Variants in NBEAL2 observed in about 807,000 individuals in gnomAD.
NBEAL2 encodes the protein neurobeachin like 2, also known as neurobeachin-like protein 2.
Under a neutral mutation model 299.8 loss-of-function variants are expected in NBEAL2, and 160 were observed. That is an observed-to-expected ratio of 0.53 (90% CI 0.47 to 0.61). The LOEUF is 0.61. NBEAL2 is among the 20% of genes least tolerant of loss of function. The pLI is 0.00. For synonymous variants in NBEAL2, 1,493 were observed against 1,542.3 expected (o/e 0.97, Z 0.75); for missense variants, 3,112 against 3,649.0 (o/e 0.85, Z 3.79).
In NBEAL2 at chr3:46,989,191, G is replaced by T; in HGVS notation, c.351+25G>T. 1 of 1,613,628 alleles carries T rather than the reference G, an allele frequency of 6.2e-7. No homozygotes were observed. Among genetic ancestry groups the T allele is most frequent in the Non-Finnish European group, 8.5e-7 (1 of 1,179,716 alleles). On this transcript the variant is annotated intron_variant, in intron 4 of 53. Coordinates refer to ENST00000450053, the MANE Select transcript of NBEAL2 (RefSeq NM_015175.3). This position sits in a 1 kb window ranked among gnomAD's most constrained non-coding sequence, Gnocchi z 5.5. ...GGTGAAGTGGCCTCTACCTTGGGGG[G>T]CAGAGGGTGTATGCAGGGAGGCAGG...
chr3:46,995,843 C>T lies in NBEAL2; in HGVS notation c.2028C>T (p.Ala676=). The change falls in exon 14 of 54, where the codon GCC becomes GCT. Residue 676 remains alanine (A), a synonymous_variant. Coordinates refer to ENST00000450053, the MANE Select transcript of NBEAL2 (RefSeq NM_015175.3). Reference sequence around the variant, plus strand: ...CCGAAGTGTCCTTTGCCGACTCTGCCTGGGTGAGACCCCATCCTTCTCATG... The same window carrying T: ...CCGAAGTGTCCTTTGCCGACTCTGCTTGGGTGAGACCCCATCCTTCTCATG... The part of the protein sequence containing the change: ...SLPEVSFADS[A]WHCVAIVHVP... 6.2e-7 allele frequency: 1 copy of T among 1,613,836 alleles called. No individual in the cohort carries two copies. The highest frequency in any genetic ancestry group is 8.5e-7 in the Non-Finnish European group (1 of 1,179,850).
intron 47 of NBEAL2, 51 bp from the exon 48 acceptor site, chr3:47,007,474 G>T (rs779985834): frequency 6.3e-7 from 1 of 1,579,722 alleles, no homozygotes; most frequent in Non-Finnish European, 8.6e-7. Context: ...TGAGGGCCTG[G>T]GTCTCTTCCA....
At position 46,995,197 on chromosome 3, in the gene NBEAL2, A is replaced by G; in HGVS notation, c.1462A>G (p.Thr488Ala). ...TGACAGCTGCCCTGCCAGCCGTGCC[A>G]CCTGTGTGCAGGCAGGCCTGGTGGG... ...LCDSCPASRATCVQAGLVGCL... is the reference protein window; with the variant it reads ...LCDSCPASRAACVQAGLVGCL... Residue 488 changes from threonine (T) to alanine (A), a missense_variant, in exon 13 of 54, where the codon ACC becomes GCC. Physicochemically the swap from Thr to Ala is moderately conservative, Grantham distance 58 (BLOSUM62 0). This residue lies in a region of NBEAL2 where 2,243 missense variants were observed against 2,538.1 expected (regional missense o/e 0.88). Transcript: ENST00000450053. 6.4e-7 allele frequency: 1 copy of G among 1,558,836 alleles called. No homozygotes were observed. The highest frequency in any genetic ancestry group is 1.2e-5 in the South Asian group (1 of 84,978).
rs1296265441 is a variant in NBEAL2, at chr3:47,008,688, G to C, written c.8027+20G>C. On this transcript the variant is annotated intron_variant, in intron 52 of 53. Transcript: ENST00000450053. ...AAACACGTAAGCCCCCCATTTATGG[G>C]TTCATGGCCCCTGAAGGTGGTGGTC... The C allele has an allele frequency of 6.2e-7, 1 of 1,612,412 alleles. No homozygotes were observed. The highest frequency in any genetic ancestry group is 1.7e-5 in the Admixed American group (1 of 59,842).
Position 47,005,489 on chromosome 3 carries a change from C to T in NBEAL2, c.6561C>T (p.Arg2187=), listed in dbSNP as rs1052385572. Reference sequence around the variant, plus strand: ...CCTTGGCCCCGTGCCCCTCCCCCAGCTTTGACTGCTCCGACCGGCAGTTCC... The same window carrying T: ...CCTTGGCCCCGTGCCCCTCCCCCAGTTTTGACTGCTCCGACCGGCAGTTCC... ...TSLHVQLQSG[R]FDCSDRQFHS... The change falls in exon 41 of 54, where the codon CGC becomes CGT. Residue 2187 remains arginine (R), a splice_region_variant and synonymous_variant. Transcript: ENST00000450053. 1 of 1,611,204 alleles carries T rather than the reference C, an allele frequency of 6.2e-7. No homozygotes were observed. The highest frequency in any genetic ancestry group is 8.5e-7 in the Non-Finnish European group (1 of 1,178,948).
rs1184941528 is a variant in NBEAL2, at chr3:47,009,262, G to T, written c.8207G>T (p.Arg2736Leu). Residue 2736 changes from arginine to leucine, a missense_variant, in exon 54 of 54, where the codon CGG (arginine) becomes CTG (leucine). Arg to Leu is a moderately radical substitution (Grantham distance 102, BLOSUM62 -2). Transcript: ENST00000450053. ...GCGCGGAAGCTGTGGCGGTCCTCGCGGCGCATCTCCCAGGTGTCCTCGGGA... is the reference window on the plus strand; with the variant it reads ...GCGCGGAAGCTGTGGCGGTCCTCGCTGCGCATCTCCCAGGTGTCCTCGGGA... The part of the protein sequence containing the change: ...QFARKLWRSS[R>L]RISQVSSGET... 2 of 1,602,344 alleles carry T rather than the reference G, an allele frequency of 1.2e-6. No homozygotes were observed. Among genetic ancestry groups the T allele is most frequent in the African/African-American group, 2.7e-5 (2 of 74,718 alleles).
chr3:46,989,571 G>C lies in NBEAL2; in HGVS notation c.534G>C (p.Gln178His). Residue 178 changes from glutamine (Q) to histidine (H), a missense_variant, in exon 6 of 54, where the codon CAG (glutamine) becomes CAC (histidine). By Grantham distance (24) the Gln-to-His change is conservative. This residue lies in a region of NBEAL2 where 2,243 missense variants were observed against 2,538.1 expected (regional missense o/e 0.88). Coordinates refer to ENST00000450053, the MANE Select transcript of NBEAL2 (RefSeq NM_015175.3). The surrounding 1 kb of genome is among the most constrained non-coding windows in gnomAD (Gnocchi z 5.5). ...KYKFPPAALP[Q>H]EFSAFFQESL... The stretch of plus-strand genomic sequence containing the variant: ...AGTTCCCTCCTGCTGCTTTGCCCCA[G>C]GAATTCAGCGCCTTCTTCCAAGGTC... 1 of 1,595,382 alleles carries C rather than the reference G, an allele frequency of 6.3e-7. No homozygotes were observed. The highest frequency in any genetic ancestry group is 8.5e-7 in the Non-Finnish European group (1 of 1,170,868).
In NBEAL2 at chr3:46,997,311, G is replaced by C; in HGVS notation, c.2702G>C (p.Arg901Pro). The C allele has an allele frequency of 6.2e-7, 1 of 1,612,984 alleles. No homozygotes were observed. Among genetic ancestry groups the C allele is most frequent in the Non-Finnish European group, 8.5e-7 (1 of 1,179,848 alleles). Residue 901 changes from arginine to proline, a missense_variant, in exon 19 of 54, where the codon CGA becomes CCA. Coordinates refer to ENST00000450053, the MANE Select transcript of NBEAL2 (RefSeq NM_015175.3). ...GMGALLPLLE[R>P]VAAQPKEAEA... ...GGTGCCCTGCTGCCCCTGCTGGAGC[G>C]AGTAGCTGCACAGCCCAAAGAGGCT...
At position 47,003,316 on chromosome 3, in the gene NBEAL2, G is replaced by A. The variant is rs1228099401; in HGVS notation, c.5720+7G>A. 6.2e-7 allele frequency: 1 copy of A among 1,611,546 alleles called. No individual in the cohort carries two copies. The highest frequency in any genetic ancestry group is 1.1e-5 in the South Asian group (1 of 90,904). On this transcript the variant is annotated splice_region_variant and intron_variant, in intron 35 of 53. Transcript: ENST00000450053. This position sits in a 1 kb window ranked among gnomAD's most constrained non-coding sequence, Gnocchi z 7.0. Reference sequence around the variant, plus strand: ...TGGCTGAGCTGGAGACCCCGTGAGTGGGGCCCTGGAGAGATTGGACTGGTG... The same window carrying A: ...TGGCTGAGCTGGAGACCCCGTGAGTAGGGCCCTGGAGAGATTGGACTGGTG...
chr3:47,005,133 G>A (rs2037327423), intron 39 of NBEAL2, 37 bp downstream of exon 39: 4 of 1,613,906 alleles, frequency 2.5e-6, no homozygotes, highest in Non-Finnish European at 3.4e-6. Context: ...AGCGGGTAGG[G>A]AAAGGCGAGG....
Position 46,999,346 on chromosome 3 carries a change from T to C in NBEAL2, c.3575T>C (p.Leu1192Pro). Residue 1192 changes from leucine (L) to proline (P), a missense_variant, in exon 25 of 54, where the codon CTA (leucine) becomes CCA (proline). By Grantham distance (98) the Leu-to-Pro change is moderately conservative. Transcript: ENST00000450053. Reference sequence around the variant, plus strand: ...CGCAGACTGCAGCAGAATGAGCGGCTACCTGAGCGGAGCCGCCAGCGCCTC... The same window carrying C: ...CGCAGACTGCAGCAGAATGAGCGGCCACCTGAGCGGAGCCGCCAGCGCCTC... The part of the protein sequence containing the change: ...ILRRLQQNER[L>P]PERSRQRLRL... 6.2e-7 allele frequency: 1 copy of C among 1,611,124 alleles called. No homozygotes were observed. Among genetic ancestry groups the C allele is most frequent in the Non-Finnish European group, 8.5e-7 (1 of 1,179,362 alleles).
intron 12 of NBEAL2, 102 bp downstream of exon 12, chr3:46,994,655 C>A: frequency 1.0e-6 from 1 of 995,482 alleles, no homozygotes; most frequent in Non-Finnish European, 1.5e-6. Context: ...GTATTGACTG[C>A]GGCCAGTACA....
rs957996537 is a variant in NBEAL2, at chr3:47,009,468, G to A, written c.*148G>A. 63 of 773,138 alleles carry A rather than the reference G, an allele frequency of 8.1e-5. No homozygotes were observed. The highest frequency in any genetic ancestry group is 1.2e-4 in the Non-Finnish European group (58 of 477,078). The allele number at this position is 773,138 out of a possible 1,614,324, so 47.9% of individuals were successfully genotyped here. A position where few individuals can be genotyped will look rare whatever the true frequency, so the allele number is the denominator to read the frequency against. ...CCCAGCTCAGGGATTGGCGGGCGAT[G>A]TTACCCCCTCAGGGATTGGCGGGCG... is the stretch of plus-strand genomic sequence containing the variant. On this transcript the variant is annotated 3_prime_UTR_variant, in exon 54 of 54. Transcript: ENST00000450053.
chr3:46,989,496 C>A lies in NBEAL2; in HGVS notation c.474-15C>A. ...GTGAGAGCCGGGCTGATGTACTTGG[C>A]CTCACTGCCCCCAGGGAAGTCATCA... On this transcript the variant is annotated splice_polypyrimidine_tract_variant and intron_variant, in intron 5 of 53. Coordinates refer to ENST00000450053, the MANE Select transcript of NBEAL2 (RefSeq NM_015175.3). The surrounding 1 kb of genome is among the most constrained non-coding windows in gnomAD (Gnocchi z 5.5). The A allele has an allele frequency of 1.3e-6, 2 of 1,582,242 alleles. No homozygotes were observed. Among genetic ancestry groups the A allele is most frequent in the Non-Finnish European group, 1.7e-6 (2 of 1,164,212 alleles).
intron 1 of NBEAL2, among the ~76,000 whole-genome samples, chr3:46,986,997 C>T (rs1436421047): frequency 6.6e-6 from 1 of 152,192 alleles, no homozygotes; most frequent in Admixed American, 6.5e-5. Flanking sequence ...AACTGACAGA[C>T]AAAATGTCAT....
Position 46,996,280 on chromosome 3 carries a change from T to G in NBEAL2, c.2161T>G (p.Ser721Ala), listed in dbSNP as rs771786715. Reference sequence around the variant, plus strand: ...AACCCCGGCCCCACAGCCTTTCTCCTCCTGCTGTATCGGCTCCGCTGGATA... The same window carrying G: ...AACCCCGGCCCCACAGCCTTTCTCCGCCTGCTGTATCGGCTCCGCTGGATA... ...RCPSLSEPFS[S>A]CCIGSAGYRT... Residue 721 changes from serine to alanine, a missense_variant, in exon 16 of 54, where the codon TCC (serine) becomes GCC (alanine). Coordinates refer to ENST00000450053, the MANE Select transcript of NBEAL2 (RefSeq NM_015175.3). 1 of 1,606,954 alleles carries G rather than the reference T, an allele frequency of 6.2e-7. No homozygotes were observed.
intron 1 of NBEAL2, among the ~76,000 whole-genome samples, chr3:46,981,646 GTCC>G (rs943560175): frequency 6.6e-6 from 1 of 152,162 alleles, no homozygotes; most frequent in African/African-American, 2.4e-5. Context: ...GCCTACCCTA[GTCC>G]TCCTTCCTCG....
intron 21 of NBEAL2, 47 bp from the exon 22 acceptor site, chr3:46,998,416 G>A: frequency 6.4e-7 from 1 of 1,571,566 alleles, no homozygotes; most frequent in Non-Finnish European, 8.7e-7. Flanking sequence ...GATCTGAAGG[G>A]CCCAGCTCAG....
chr3:47,002,321 G>T (rs201750175), intron 31 of NBEAL2, 33 bp downstream of exon 31: 4 of 1,596,872 alleles, frequency 2.5e-6, no homozygotes, highest in African/African-American at 2.7e-5. Context: ...GAAGAGGAGT[G>T]GGGGCTGGGG....
Sources: allele counts gnomAD v4.1 joint callset (sites outside exome capture counted in the v4.1 genomes callset), GRCh38; gene constraint gnomAD v4.1.1; regional missense constraint gnomAD v4.1.1; non-coding constraint Gnocchi (gnomAD v3.1); transcripts MANE v1.5; gene names NCBI Gene and HGNC (gene_info 2026-07-23, HGNC 2026-07-21).